Variants in AHCTF1 observed in about 807,000 individuals in gnomAD.
AHCTF1 encodes the protein protein ELYS.
Under a neutral mutation model 248.4 loss-of-function variants are expected in AHCTF1, and 24 were observed. The ratio of observed to expected loss-of-function variants is 0.10; its 90% CI spans 0.07 to 0.14. The LOEUF is 0.14. Among genes scored for constraint, AHCTF1 ranks in the 10% least tolerant of loss-of-function variants. The probability of loss-of-function intolerance (pLI) is 1.00; values close to 1 mark genes in which losing one functional copy is unlikely to be tolerated. For missense variants in AHCTF1, 2,206 were observed against 2,636.2 expected, an observed-to-expected ratio of 0.84 and a Z score of 3.57; for synonymous variants, 786 against 929.8, an observed-to-expected ratio of 0.85 and a Z score of 2.81.
At chr1:246,854,852 C>T (rs1336057858) in intron 31 of AHCTF1, among the ~76,000 whole-genome samples, 6 of 152,174 alleles carry the variant, frequency 3.9e-5, no homozygotes, top group Non-Finnish European at 8.8e-5. Flanking sequence ...TCTTCAGGCA[C>T]CGTCTTGTCT....
intron 4 of AHCTF1, among the ~76,000 whole-genome samples, chr1:246,912,002 C>T (rs1665837871): frequency 6.6e-6 from 1 of 151,984 alleles, no homozygotes; most frequent in Non-Finnish European, 1.5e-5. Flanking sequence ...GGCGTGATCT[C>T]GGTTCACTGC....
intron 1 of AHCTF1, among the ~76,000 whole-genome samples, chr1:246,924,417 T>C (rs6694693): frequency 6.6e-6 from 1 of 152,166 alleles, no homozygotes; most frequent in Non-Finnish European, 1.5e-5. Context: ...AATTTGTGAT[T>C]TGCTCATTTC....
At chr1:246,914,045 C>G (rs1665983702) in intron 3 of AHCTF1, among the ~76,000 whole-genome samples, 1 of 152,152 alleles carries the variant, frequency 6.6e-6, no homozygotes, top group Non-Finnish European at 1.5e-5. Context: ...TGACACTTAA[C>G]AAGAATTGCT....
At chr1:246,844,159 A>G (rs576465385) in intron 33 of AHCTF1, among the ~76,000 whole-genome samples, 13 of 152,304 alleles carry the variant, frequency 8.5e-5, no homozygotes, top group African/African-American at 2.6e-4. Flanking sequence ...TTCAAACTAA[A>G]AAGTGCTACA....
intron 17 of AHCTF1, among the ~76,000 whole-genome samples, chr1:246,889,554 T>C (rs151148585): frequency 1.6e-4 from 24 of 152,334 alleles, no homozygotes; most frequent in African/African-American, 4.8e-4. Context: ...TCTAAAGCAC[T>C]GGTTCCCACA....
chr1:246,905,987 A>G (rs957419311), intron 5 of AHCTF1, among the ~76,000 whole-genome samples: 1 of 152,160 alleles, frequency 6.6e-6, no homozygotes, highest in Non-Finnish European at 1.5e-5. Context: ...ACTCAAGTGG[A>G]TGCATTCATG....
rs1241263290 is a variant in AHCTF1 at position 246,900,542 on chromosome 1, C to G, written c.1118-73G>C. ...TAAAATCACCTCAACAGAATTATAG[C>G]AAGATTTTCTCATAAATTAAGCGGT... On this transcript the variant is annotated intron_variant, in intron 8 of 35. Coordinates refer to ENST00000648844, the MANE Select transcript of AHCTF1 (RefSeq NM_001323342.2). The G allele has an allele frequency of 2.1e-6, 3 of 1,446,726 alleles. 1 individual carries two copies. The African/African-American group carries it at 4.4e-5, about 21-fold the overall frequency. 89.6% of individuals were successfully genotyped at this position (1,446,726 alleles called of 1,614,324 possible).
intron 15 of AHCTF1, 67 bp from the exon 16 acceptor site, chr1:246,891,127 A>G (rs1319065099): frequency 7.5e-6 from 7 of 929,092 alleles, no homozygotes; most frequent in African/African-American, 1.8e-5. Flanking sequence ...AGTTTTCAAA[A>G]TTAATCACTT....
Position 246,840,961 on chromosome 1 carries a change from T to C in AHCTF1, c.6646A>G (p.Ile2216Val), listed in dbSNP as rs754485817. 3.1e-6 allele frequency: 5 copies of C among 1,610,902 alleles called. No individual in the cohort carries two copies. The highest frequency in any genetic ancestry group is 2.2e-5 in the East Asian group (1 of 44,850). Reference sequence around the variant, plus strand: ...AAGGGGGAAATCAGCCGAATTTCTATGGGAGGAGGTGACCAAGCACTTTCT... The same window carrying C: ...AAGGGGGAAATCAGCCGAATTTCTACGGGAGGAGGTGACCAAGCACTTTCT... ...EKESAWSPPP[I>V]EIRLISPLAS... The change falls in exon 36 of 36, where the codon ATA (isoleucine) becomes GTA (valine). Residue 2216 changes from isoleucine (I) to valine (V), a missense_variant. Physicochemically the swap from Ile to Val is conservative, Grantham distance 29. Transcript: ENST00000648844.
intron 29 of AHCTF1, among the ~76,000 whole-genome samples, chr1:246,858,568 A>G (rs7526386): frequency 0.66 from 99,994 of 151,914 alleles, 35,085 homozygotes; most frequent in African/African-American, 0.91. Context: ...GGAGGCTCAT[A>G]CCTGTAATCC....
intron 6 of AHCTF1, among the ~76,000 whole-genome samples, chr1:246,904,724 G>A (rs887098204): frequency 6.6e-6 from 1 of 152,188 alleles, no homozygotes; most frequent in Non-Finnish European, 1.5e-5. Context: ...TAAGTGTTAA[G>A]AGCATAGATT....
chr1:246,917,824 T>C (rs981758542), intron 2 of AHCTF1, among the ~76,000 whole-genome samples: 1 of 152,234 alleles, frequency 6.6e-6, no homozygotes, highest in Non-Finnish European at 1.5e-5. Flanking sequence ...ATTAAGATCT[T>C]ATTCAGGTAA....
intron 26 of AHCTF1, among the ~76,000 whole-genome samples, chr1:246,866,457 C>A (rs542754130): frequency 6.6e-6 from 1 of 150,740 alleles, no homozygotes; most frequent in African/African-American, 2.5e-5. Context: ...AAATTTAGTC[C>A]AAAAAAAGAA....
chr1:246,845,747 T>A (rs550576490), intron 33 of AHCTF1, among the ~76,000 whole-genome samples: 1 of 152,292 alleles, frequency 6.6e-6, no homozygotes, highest in African/African-American at 2.4e-5. Context: ...TTTTGAGGAT[T>A]AAGGAGTTCA....
intron 24 of AHCTF1, among the ~76,000 whole-genome samples, chr1:246,869,051 G>GTA (rs1662321789): frequency 6.6e-6 from 1 of 150,692 alleles, no homozygotes; most frequent in Non-Finnish European, 1.5e-5. Context: ...TCACCATGTT[G>GTA]GCCAGGATGG....
chr1:246,878,875 T>C (rs898034695), intron 21 of AHCTF1, among the ~76,000 whole-genome samples: 6 of 152,216 alleles, frequency 3.9e-5, no homozygotes, highest in Non-Finnish European at 7.3e-5. Flanking sequence ...AAAATTTACA[T>C]CTGAAATTGC....
In AHCTF1 at chr1:246,839,578, G is replaced by A. The variant is rs1197147652; in HGVS notation, c.*1228C>T. The A allele has an allele frequency of 2.0e-6, 2 of 985,700 alleles. No homozygotes were observed. Among genetic ancestry groups the A allele is most frequent in the African/African-American group, 3.5e-5 (2 of 57,242 alleles). The allele number at this position is 985,700 out of a possible 1,614,324, so 61.1% of individuals were successfully genotyped here. ...ACTGCTTTCACACTGTCAACACTTT[G>A]CGTAGGCATTTTCACCAATTTCTCA... On this transcript the variant is annotated 3_prime_UTR_variant, in exon 36 of 36. Transcript: ENST00000648844.
chr1:246,883,787 A>G (rs1199570910), intron 21 of AHCTF1, among the ~76,000 whole-genome samples: 1 of 152,156 alleles, frequency 6.6e-6, no homozygotes, highest in Non-Finnish European at 1.5e-5. Flanking sequence ...TGGGGACTGG[A>G]AAATTGAGAC....
At position 246,895,970 on chromosome 1, in the gene AHCTF1, G is replaced by A. The variant is rs550906757; in HGVS notation, c.1624-45C>T. On this transcript the variant is annotated intron_variant, in intron 12 of 35. Coordinates refer to ENST00000648844, the MANE Select transcript of AHCTF1 (RefSeq NM_001323342.2). Reference sequence around the variant, plus strand: ...AAGGAAAGAAATGGAAAGAAAGAGGGTGTGAGATCATAGGCAAGTTCTGGT... The same window carrying A: ...AAGGAAAGAAATGGAAAGAAAGAGGATGTGAGATCATAGGCAAGTTCTGGT... The A allele has an allele frequency of 1.7e-5, 26 of 1,518,752 alleles. 1 individual carries two copies. In the South Asian group the frequency reaches 2.5e-4, roughly 15 times the overall value. 94.1% of individuals were successfully genotyped at this position (1,518,752 alleles called of 1,614,324 possible).
Sources: allele counts gnomAD v4.1 joint callset (sites outside exome capture counted in the v4.1 genomes callset), GRCh38; gene constraint gnomAD v4.1.1; transcripts MANE v1.5; gene names NCBI Gene and HGNC (gene_info 2026-07-23, HGNC 2026-07-21).